Variants in SMARCAD1 observed in about 807,000 individuals in gnomAD.
SMARCAD1 encodes the protein SWI/SNF-related matrix-associated actin-dependent regulator of chromatin subfamily A containing DEAD/H box 1.
Under a neutral mutation model 127.1 loss-of-function variants are expected in SMARCAD1, and 25 were observed. The observed-to-expected ratio is 0.20, with a 90% CI of 0.14 to 0.27. The LOEUF (loss-of-function observed/expected upper bound fraction) is 0.27. Among genes scored for constraint, SMARCAD1 ranks in the 10% least tolerant of loss-of-function variants. The pLI is 1.00. For missense variants in SMARCAD1, 807 were observed against 1,206.0 expected, an observed-to-expected ratio of 0.67 and a Z score of 4.90; for synonymous variants, 400 against 396.9, an observed-to-expected ratio of 1.01 and a Z score of -0.09.
At chr4:94,259,697 GCA>G (rs1367940196) in intron 9 of SMARCAD1, among the ~76,000 whole-genome samples, 1 of 152,088 alleles carries the variant, frequency 6.6e-6, no homozygotes, top group Non-Finnish European at 1.5e-5. Context: ...AGAAATTTAA[GCA>G]CACAGTGTTA....
chr4:94,263,030 CT>C (rs1369183427), intron 9 of SMARCAD1, among the ~76,000 whole-genome samples: 1 of 151,546 alleles, frequency 6.6e-6, no homozygotes, highest in Admixed American at 6.6e-5. Context: ...GAATTTTTCT[CT>C]TACCCAGCTT....
intron 9 of SMARCAD1, among the ~76,000 whole-genome samples, chr4:94,257,878 G>A (rs969937201): frequency 2.0e-5 from 3 of 152,002 alleles, no homozygotes; most frequent in Admixed American, 1.3e-4. Context: ...AGTTCTCACT[G>A]TCTACCTCAC....
chr4:94,282,092 G>GGTT (rs1553921633), intron 21 of SMARCAD1, among the ~76,000 whole-genome samples: 3 of 111,018 alleles, frequency 2.7e-5, no homozygotes, highest in Admixed American at 2.4e-4. Context: ...ATGCAAATAC[G>GGTT]TTTTTTTGTT....
intron 9 of SMARCAD1, among the ~76,000 whole-genome samples, chr4:94,258,570 C>A (rs1158311321): frequency 1.3e-5 from 2 of 152,110 alleles, no homozygotes; most frequent in Non-Finnish European, 2.9e-5. Flanking sequence ...ATCCTTTTGT[C>A]TCTCTCATTT....
At chr4:94,216,430 C>G (rs2632416) in intron 2 of SMARCAD1, among the ~76,000 whole-genome samples, 3 of 152,140 alleles carry the variant, frequency 2.0e-5, no homozygotes, top group Non-Finnish European at 4.4e-5. Context: ...ATATTTTCCT[C>G]TAGTATGTCT....
chr4:94,274,564 G>A (rs1031122122), intron 12 of SMARCAD1, among the ~76,000 whole-genome samples, 174 bp from the exon 13 acceptor site: 17 of 152,206 alleles, frequency 1.1e-4, no homozygotes, highest in South Asian at 2.1e-4. Flanking sequence ...TGATCCACCC[G>A]CCTCAGCTTC....
intron 9 of SMARCAD1, among the ~76,000 whole-genome samples, chr4:94,257,468 T>G (rs1210601648): frequency 2.0e-5 from 3 of 152,144 alleles, no homozygotes; most frequent in African/African-American, 4.8e-5. Flanking sequence ...AAATCTTTTT[T>G]GGGGGAAAGT....
chr4:94,210,668 G>C (rs1742070106), intron 2 of SMARCAD1, among the ~76,000 whole-genome samples: 4 of 152,058 alleles, frequency 2.6e-5, no homozygotes, highest in Admixed American at 2.6e-4. Flanking sequence ...TTTTATGCGC[G>C]GTGGCTGAAG....
At chr4:94,265,429 A>C (rs1751590056) in intron 10 of SMARCAD1, among the ~76,000 whole-genome samples, 1 of 151,894 alleles carries the variant, frequency 6.6e-6, no homozygotes, top group South Asian at 2.1e-4. Flanking sequence ...AAGGACAGAT[A>C]CTTTGATTAA....
intron 6 of SMARCAD1, among the ~76,000 whole-genome samples, chr4:94,244,473 T>A (rs1189622234): frequency 9.9e-5 from 15 of 152,216 alleles, no homozygotes. Context: ...TATGAACGCA[T>A]GCCTCGAATA....
At chr4:94,252,587 T>A in intron 8 of SMARCAD1, 29 bp from the exon 9 acceptor site, 1 of 1,406,298 alleles carries the variant, frequency 7.1e-7, no homozygotes. Context: ...ATTTCTAATT[T>A]AGTTACTGTT....
chr4:94,247,416 A>G (rs1748603603), intron 6 of SMARCAD1, among the ~76,000 whole-genome samples: 1 of 152,226 alleles, frequency 6.6e-6, no homozygotes, highest in African/African-American at 2.4e-5. Context: ...GAGCTGGCAT[A>G]AGTGTGGGAC....
chr4:94,256,639 A>T (rs1579230377), intron 9 of SMARCAD1, among the ~76,000 whole-genome samples: 1 of 152,210 alleles, frequency 6.6e-6, no homozygotes, highest in African/African-American at 2.4e-5. Flanking sequence ...CCGGGGTTAC[A>T]GGCGTGAGCC....
Position 94,290,946 on chromosome 4 carries a change from A to C in SMARCAD1, c.*1412A>C, listed in dbSNP as rs1755607695. The C allele has an allele frequency of 2.2e-6, 1 of 453,010 alleles. No individual in the cohort carries two copies. The highest frequency in any genetic ancestry group is 4.4e-6 in the Non-Finnish European group (1 of 226,392). The allele number at this position is 453,010 out of a possible 1,614,324, so 28.1% of individuals were successfully genotyped here. On this transcript the variant is annotated 3_prime_UTR_variant, in exon 24 of 24. Transcript: ENST00000354268. ...TACAGTGATTATTTAGATATTAAAG[A>C]CTGAGAACTCACGGCTTAACCCCAG...
intron 10 of SMARCAD1, among the ~76,000 whole-genome samples, chr4:94,268,746 C>T (rs1045524980): frequency 2.6e-5 from 4 of 152,144 alleles, no homozygotes; most frequent in Non-Finnish European, 5.9e-5. Context: ...AACTTCTCAT[C>T]TGTAAAATGC....
At chr4:94,264,402 G>C (rs1375693793) in intron 9 of SMARCAD1, 2 of 235,064 alleles carry the variant, frequency 8.5e-6, no homozygotes, top group Non-Finnish European at 8.3e-6. Context: ...AATTACTTGT[G>C]AATGTTTCTC....
At chr4:94,281,144 A>G (rs190854742) in intron 20 of SMARCAD1, among the ~76,000 whole-genome samples, 241 of 152,340 alleles carry the variant, frequency 1.6e-3, no homozygotes, top group African/African-American at 5.5e-3. Flanking sequence ...AATTTGTAAA[A>G]TCACAGTCCA....
chr4:94,232,423 C>T (rs1745979785), intron 3 of SMARCAD1, among the ~76,000 whole-genome samples: 1 of 152,090 alleles, frequency 6.6e-6, no homozygotes, highest in Admixed American at 6.6e-5. Flanking sequence ...TTTTCTCAGT[C>T]ACCTAAGAGG....
chr4:94,223,249 C>A (rs1744444593), intron 2 of SMARCAD1, among the ~76,000 whole-genome samples: 1 of 151,488 alleles, frequency 6.6e-6, no homozygotes, highest in South Asian at 2.1e-4. Context: ...AATCCCAGCA[C>A]TTTGGGAGGC....
Sources: allele counts gnomAD v4.1 joint callset (sites outside exome capture counted in the v4.1 genomes callset), GRCh38; gene constraint gnomAD v4.1.1; transcripts MANE v1.5; gene names NCBI Gene and HGNC (gene_info 2026-07-23, HGNC 2026-07-21).